The following VOPP1 variants were observed in gnomAD, a reference collection of about 807,000 sequenced individuals.
The protein encoded by VOPP1 is WW domain binding protein VOPP1.
A neutral mutation model predicts 23.5 loss-of-function variants in VOPP1; 8 were observed. That is an observed-to-expected ratio of 0.34 (90% CI 0.20 to 0.61). The LOEUF (loss-of-function observed/expected upper bound fraction) is 0.61, where lower values mean the gene tolerates loss of function less well. Among genes scored for constraint, VOPP1 ranks in the 20% least tolerant of loss-of-function variants. The pLI is 0.78. For missense variants in VOPP1, 174 were observed against 238.1 expected (o/e 0.73, Z 1.77); for synonymous variants, 83 against 97.3 (o/e 0.85, Z 0.86).
At chr7:55,467,159 C>A (rs1286627409), downstream of VOPP1, among the ~76,000 whole-genome samples, 2 of 152,222 alleles carry the variant, frequency 1.3e-5, no homozygotes, top group African/African-American at 4.8e-5. Flanking sequence ...TTGCCACTCA[C>A]CACCTGCTGT....
intron 2 of VOPP1, among the ~76,000 whole-genome samples, chr7:55,503,706 G>A (rs117583876): frequency 0.011 from 1,673 of 152,320 alleles, 11 homozygotes; most frequent in Middle Eastern, 0.02. Flanking sequence ...TCTGTAAGAA[G>A]AGCCATGAAG....
At position 55,471,343 on chromosome 7, in the gene VOPP1, C is replaced by T. The variant is rs878910704; in HGVS notation, c.*1512G>A. On this transcript the variant is annotated 3_prime_UTR_variant, in exon 5 of 5. Transcript: ENST00000285279. ...TTCCCAAGTGTCTCCCACAAAATTCCCCAGGAGGTTCTCCGATTAAATGTC... is the reference window on the plus strand; with the variant it reads ...TTCCCAAGTGTCTCCCACAAAATTCTCCAGGAGGTTCTCCGATTAAATGTC... 5.3e-5 allele frequency: 8 copies of T among 151,214 alleles called. No individual in the cohort carries two copies. In the South Asian group the frequency reaches 1.7e-3, roughly 32 times the overall value. The allele number at this position is 151,214 out of a possible 1,614,324, so 9.4% of individuals were successfully genotyped here.
intron 1 of VOPP1, among the ~76,000 whole-genome samples, chr7:55,540,436 AATAAATAAAAAT>A (rs1797076851): frequency 2.5e-5 from 3 of 117,692 alleles, no homozygotes; most frequent in Admixed American, 9.2e-5. Context: ...TAAATAAATA[AATAAATAAAAAT>A]AAATGAACTC....
intron 4 of VOPP1, among the ~76,000 whole-genome samples, chr7:55,447,274 G>A (rs1011564235): frequency 6.6e-6 from 1 of 152,162 alleles, no homozygotes; most frequent in Non-Finnish European, 1.5e-5. Flanking sequence ...ATCCTGATTC[G>A]GATTGGGGAA....
chr7:55,495,548 G>A (rs1056372696), intron 3 of VOPP1, among the ~76,000 whole-genome samples: 5 of 152,152 alleles, frequency 3.3e-5, no homozygotes, highest in South Asian at 2.1e-4. Flanking sequence ...CCTCTCTGAC[G>A]ACCCAGTCAA....
At chr7:55,473,606 G>A (rs1038038848) in intron 4 of VOPP1, among the ~76,000 whole-genome samples, 11 of 152,218 alleles carry the variant, frequency 7.2e-5, no homozygotes, top group African/African-American at 1.2e-4. Context: ...GTGACAAGCT[G>A]AGGAGCAGGG....
chr7:55,563,684 G>A (rs1798060735), intron 1 of VOPP1, among the ~76,000 whole-genome samples: 1 of 152,126 alleles, frequency 6.6e-6, no homozygotes, highest in African/African-American at 2.4e-5. Context: ...TTTAATAATT[G>A]TGTGCACAAA....
chr7:55,531,155 T>C (rs2129046586), intron 1 of VOPP1, among the ~76,000 whole-genome samples: 1 of 152,334 alleles, frequency 6.6e-6, no homozygotes, highest in South Asian at 2.1e-4. Flanking sequence ...CAAAACATCA[T>C]TCATTCAAAA....
chr7:55,558,067 G>A (rs1195527845), intron 1 of VOPP1, among the ~76,000 whole-genome samples: 2 of 152,172 alleles, frequency 1.3e-5, no homozygotes, highest in African/African-American at 4.8e-5. Context: ...GGGAGGAGGG[G>A]AAATTAGGTA....
chr7:55,568,681 G>A (rs1378405508), intron 1 of VOPP1, among the ~76,000 whole-genome samples: 1 of 152,226 alleles, frequency 6.6e-6, no homozygotes, highest in African/African-American at 2.4e-5. Flanking sequence ...AGAGAATGCA[G>A]TGACAATATC....
intron 1 of VOPP1, among the ~76,000 whole-genome samples, chr7:55,539,277 G>A (rs556941631): frequency 6.3e-4 from 96 of 152,246 alleles, no homozygotes; most frequent in Admixed American, 1.9e-3. Flanking sequence ...CCCGGGAGGC[G>A]GAGGTTGCAG....
chr7:55,506,061 C>T (rs538752169), intron 2 of VOPP1, among the ~76,000 whole-genome samples: 74 of 152,138 alleles, frequency 4.9e-4, no homozygotes, highest in Non-Finnish European at 7.6e-4. Context: ...AATTTCCTGA[C>T]GCCTTCGAGA....
At chr7:55,487,043 T>C (rs533745314) in intron 4 of VOPP1, among the ~76,000 whole-genome samples, 4 of 152,316 alleles carry the variant, frequency 2.6e-5, no homozygotes, top group South Asian at 4.1e-4. Context: ...CACCGTCACG[T>C]TGGAAAAGAA....
At chr7:55,504,944 T>C (rs1338228642) in intron 2 of VOPP1, among the ~76,000 whole-genome samples, 2 of 152,234 alleles carry the variant, frequency 1.3e-5, no homozygotes, top group Non-Finnish European at 2.9e-5. Context: ...TCTCAGTAAG[T>C]TCTGTCTTCT....
chr7:55,512,182 T>C (rs1795112379), intron 2 of VOPP1, among the ~76,000 whole-genome samples: 1 of 152,154 alleles, frequency 6.6e-6, no homozygotes. Flanking sequence ...TCGCAGCACT[T>C]TGGGAGGCCG....
intron 4 of VOPP1, among the ~76,000 whole-genome samples, chr7:55,456,913 C>A (rs751685980): frequency 6.6e-6 from 1 of 152,128 alleles, no homozygotes; most frequent in African/African-American, 2.4e-5. Context: ...CAAACCTGCA[C>A]GTTCTGCACA....
At chr7:55,524,170 A>G (rs545134517) in intron 1 of VOPP1, among the ~76,000 whole-genome samples, 5 of 152,198 alleles carry the variant, frequency 3.3e-5, no homozygotes, top group Non-Finnish European at 4.4e-5. Flanking sequence ...TTTCTGGCAT[A>G]TTCCCTAACT....
chr7:55,548,805 T>C (rs146557194), intron 1 of VOPP1, among the ~76,000 whole-genome samples: 1 of 152,204 alleles, frequency 6.6e-6, no homozygotes, highest in African/African-American at 2.4e-5. Context: ...GCTCTGTAGA[T>C]TATAAGTAGA....
chr7:55,492,151 A>G, intron 4 of VOPP1, 131 bp downstream of exon 4: 2 of 1,307,438 alleles, frequency 1.5e-6, no homozygotes, highest in Non-Finnish European at 2.0e-6. Flanking sequence ...GCTGGTCATC[A>G]GAACTAAAAA....
Sources: gnomAD v4.1 joint callset for allele counts (sites outside exome capture counted in the v4.1 genomes callset) on GRCh38, gnomAD v4.1.1 for gene constraint, MANE v1.5 for transcripts, NCBI Gene and HGNC (gene_info 2026-07-23, HGNC 2026-07-21) for gene names.